The following FAM161A variants were observed in gnomAD, a reference collection of about 807,000 sequenced individuals.
FAM161A encodes protein FAM161A.
FAM161A carries 57 observed loss-of-function variants against 70.9 expected under a neutral mutation model. The observed-to-expected ratio is 0.80, with a 90% CI of 0.65 to 1.00. FAM161A has a LOEUF of 1.00. FAM161A is among the 50% of genes least tolerant of loss of function. The pLI, the probability that FAM161A is intolerant of heterozygous loss-of-function variation, is 0.00. For synonymous variants in FAM161A, 299 were observed against 295.7 expected (o/e 1.01, Z -0.12); for missense variants, 880 against 836.0 (o/e 1.05, Z -0.65).
chr2:61,833,079 G>A (rs1225210278), intron 5 of FAM161A, among the ~76,000 whole-genome samples: 5 of 151,896 alleles, frequency 3.3e-5, no homozygotes, highest in Admixed American at 2.6e-4. Flanking sequence ...GAAGGTGGGG[G>A]GAGGACCAAA....
chr2:61,834,168 G>A (rs1476241061), intron 5 of FAM161A, among the ~76,000 whole-genome samples: 1 of 152,160 alleles, frequency 6.6e-6, no homozygotes, highest in Non-Finnish European at 1.5e-5. Flanking sequence ...ATACTACACA[G>A]CCATAAAAAA....
chr2:61,808,961 C>A, the FAM161A span, among the ~76,000 whole-genome samples: 1 of 151,286 alleles, frequency 6.6e-6, no homozygotes, highest in Non-Finnish European at 1.5e-5. Context: ...CAACCTCCCC[C>A]TCCCAGGTTC....
chr2:61,833,207 C>T (rs1672646550), intron 5 of FAM161A, among the ~76,000 whole-genome samples: 1 of 151,926 alleles, frequency 6.6e-6, no homozygotes, highest in African/African-American at 2.4e-5. Context: ...GACGGATCAT[C>T]AGGTCAGGAG....
intron 1 of FAM161A, among the ~76,000 whole-genome samples, chr2:61,852,529 AAC>A (rs1673532023): frequency 6.6e-6 from 1 of 152,144 alleles, no homozygotes; most frequent in Admixed American, 6.6e-5. Flanking sequence ...ATTATGTCCT[AAC>A]ACCACCTAGG....
Position 61,848,874 on chromosome 2 carries a change from TTATA to T in FAM161A, c.183+4981_183+4984del, listed in dbSNP as rs1227385920. Among the ~76,000 whole-genome samples, 13 of 8,410 alleles carry T rather than the reference TTATA, an allele frequency of 1.5e-3. 3 individuals are homozygous for T. The highest frequency in any genetic ancestry group is 6.5e-3 in the Admixed American group (2 of 308). The allele number at this position is 8,410 out of a possible 152,430, so 5.5% of individuals were successfully genotyped here. On this transcript the variant is annotated intron_variant, in intron 1 of 6. Transcript: ENST00000404929. ...TTTATATATATATTTATATATATAT[TTATA>T]TATATATTTATATATATTTATATAT...
At chr2:61,806,415 C>T in the FAM161A span, among the ~76,000 whole-genome samples, 8 of 152,100 alleles carry the variant, frequency 5.3e-5, no homozygotes, top group East Asian at 1.9e-4. Context: ...ATTGCCCTTG[C>T]CCCCTATTAT....
At chr2:61,804,818 G>GAAAGAAAGAAAGAA in the FAM161A span, among the ~76,000 whole-genome samples, 1 of 110,062 alleles carries the variant, frequency 9.1e-6, no homozygotes, top group African/African-American at 3.2e-5. Flanking sequence ...AAGAAAGAAA[G>GAAAGAAAGAAAGAA]AGAAAGAGAA....
intron 1 of FAM161A, among the ~76,000 whole-genome samples, chr2:61,846,040 G>T (rs1418944685): frequency 5.8e-5 from 8 of 137,742 alleles, no homozygotes; most frequent in African/African-American, 2.2e-4. Flanking sequence ...AGTAAGCTGA[G>T]ATCGAGCCAT....
chr2:61,827,369 G>C, intron 5 of FAM161A, 111 bp from the exon 6 acceptor site: 1 of 1,015,700 alleles, frequency 9.8e-7, no homozygotes, highest in South Asian at 1.3e-5. Flanking sequence ...CCAGTGCTTT[G>C]GGAGGCCGAG....
the FAM161A span, chr2:61,803,479 T>C: frequency 1.7e-6 from 1 of 595,124 alleles, no homozygotes; most frequent in Non-Finnish European, 3.1e-6. Flanking sequence ...GGAGTAAAGA[T>C]ATTGCAAGGA....
At chr2:61,828,284 GAA>G (rs35901888) in intron 5 of FAM161A, among the ~76,000 whole-genome samples, 7,695 of 144,598 alleles carry the variant, frequency 0.053, 268 homozygotes, top group Middle Eastern at 0.075. Flanking sequence ...AAAGATATCT[GAA>G]AAAAAAAAAA....
chr2:61,843,585 C>A (rs1441103458), intron 1 of FAM161A, among the ~76,000 whole-genome samples: 1 of 152,252 alleles, frequency 6.6e-6, no homozygotes, highest in East Asian at 1.9e-4. Flanking sequence ...AGCCTACTGT[C>A]TGGAACAGAT....
chr2:61,801,382 A>G, the FAM161A span, among the ~76,000 whole-genome samples: 1 of 151,710 alleles, frequency 6.6e-6, no homozygotes, highest in Admixed American at 6.6e-5. Flanking sequence ...CTGTAATCCC[A>G]GCTACTTGGA....
At chr2:61,812,685 A>G in the FAM161A span, among the ~76,000 whole-genome samples, 1 of 151,596 alleles carries the variant, frequency 6.6e-6, no homozygotes, top group Non-Finnish European at 1.5e-5. Context: ...TTGTGCCATT[A>G]CACTCTACCC....
At position 61,842,228 on chromosome 2, in the gene FAM161A, G is replaced by C; in HGVS notation, c.316C>G (p.His106Asp). 6.2e-7 allele frequency: 1 copy of C among 1,613,158 alleles called. No individual in the cohort carries two copies. ...TCTAATTTTGCCATAGTTTCTATGTGGGCAGCCTTCAACTCTTCTACTTTC... is the reference window on the plus strand; with the variant it reads ...TCTAATTTTGCCATAGTTTCTATGTCGGCAGCCTTCAACTCTTCTACTTTC... The part of the protein sequence containing the change: ...FKKVEELKAA[H>D]IETMAKLEKM... Residue 106 changes from histidine to aspartate, a missense_variant, in exon 2 of 7, where the codon CAC becomes GAC. Physicochemically the swap from His to Asp is moderately conservative, Grantham distance 81. Transcript: ENST00000404929.
intron 5 of FAM161A, among the ~76,000 whole-genome samples, chr2:61,834,902 G>GATA (rs1279911266): frequency 6.6e-6 from 1 of 152,160 alleles, no homozygotes; most frequent in East Asian, 1.9e-4. Context: ...CAGAGCTGGA[G>GATA]ATAATGTCTT....
At chr2:61,806,334 A>T in the FAM161A span, among the ~76,000 whole-genome samples, 1 of 152,218 alleles carries the variant, frequency 6.6e-6, no homozygotes, top group East Asian at 1.9e-4. Flanking sequence ...TTAAAAACTC[A>T]CATTATTTTT....
chr2:61,834,812 A>T (rs974338222), intron 5 of FAM161A, among the ~76,000 whole-genome samples: 1 of 152,026 alleles, frequency 6.6e-6, no homozygotes, highest in Non-Finnish European at 1.5e-5. Context: ...ATTTAAAATA[A>T]AAGTTGAAAA....
the FAM161A span, among the ~76,000 whole-genome samples, chr2:61,801,843 G>A: frequency 2.0e-5 from 3 of 152,116 alleles, no homozygotes; most frequent in Non-Finnish European, 4.4e-5. Flanking sequence ...TTACAGACGT[G>A]AGCCACCGTG....
Sources: gnomAD v4.1 joint callset for allele counts (sites outside exome capture counted in the v4.1 genomes callset) on GRCh38, gnomAD v4.1.1 for gene constraint, MANE v1.5 for transcripts, NCBI Gene and HGNC (gene_info 2026-07-23, HGNC 2026-07-21) for gene names.